ADAMTS14: variants seen among roughly 807,000 people sequenced by gnomAD.
The protein encoded by ADAMTS14 is ADAM metallopeptidase with thrombospondin type 1 motif 14.
ADAMTS14 carries 100 observed loss-of-function variants against 128.6 expected under a neutral mutation model. The ratio of observed to expected loss-of-function variants is 0.78; its 90% CI spans 0.66 to 0.92. ADAMTS14 has a LOEUF of 0.92. Ranked by LOEUF, ADAMTS14 falls within the 40% of genes least tolerant of loss-of-function variation. The pLI is 0.00. For synonymous variants in ADAMTS14, 665 were observed against 653.8 expected, an observed-to-expected ratio of 1.02 and a Z score of -0.26; for missense variants, 1,562 against 1,658.6, an observed-to-expected ratio of 0.94 and a Z score of 1.01.
intron 11 of ADAMTS14, among the ~76,000 whole-genome samples, chr10:70,740,147 A>G (rs1841950611): frequency 6.6e-6 from 1 of 152,234 alleles, no homozygotes; most frequent in Non-Finnish European, 1.5e-5. Context: ...GCTCACACAA[A>G]TTAAATACTT....
intron 2 of ADAMTS14, among the ~76,000 whole-genome samples, chr10:70,699,527 G>A (rs1840432834): frequency 6.6e-6 from 1 of 152,142 alleles, no homozygotes; most frequent in Non-Finnish European, 1.5e-5. Flanking sequence ...CTCCTAACTG[G>A]GGAGGTTGTC....
intron 2 of ADAMTS14, among the ~76,000 whole-genome samples, chr10:70,686,406 G>C (rs1489050446): frequency 1.7e-5 from 2 of 118,586 alleles, no homozygotes; most frequent in East Asian, 4.7e-4. Context: ...AAAGGTCTCT[G>C]GTTTTCCTAG....
At chr10:70,673,567 C>T (rs1839551358) in intron 1 of ADAMTS14, among the ~76,000 whole-genome samples, 1 of 152,174 alleles carries the variant, frequency 6.6e-6, no homozygotes, top group Admixed American at 6.5e-5. Flanking sequence ...GTTCATGTGC[C>T]AGAGTGGGTC....
At chr10:70,755,075 G>A (rs963562121) in intron 19 of ADAMTS14, among the ~76,000 whole-genome samples, 76 of 152,136 alleles carry the variant, frequency 5.0e-4, no homozygotes, top group Non-Finnish European at 1.2e-4. Flanking sequence ...GGAGGCTGAT[G>A]TGGGTGGATT....
At chr10:70,721,326 A>G (rs148490635) in intron 4 of ADAMTS14, among the ~76,000 whole-genome samples, 1 of 148,784 alleles carries the variant, frequency 6.7e-6, no homozygotes, top group Non-Finnish European at 1.5e-5. Flanking sequence ...CCCAGCTAGA[A>G]GACAGCTTTT....
At chr10:70,751,407 C>T (rs577159297) in intron 16 of ADAMTS14, 71 bp from the exon 17 acceptor site, 3 of 1,474,236 alleles carry the variant, frequency 2.0e-6, no homozygotes, top group African/African-American at 1.4e-5. Flanking sequence ...TCTCTTCGGC[C>T]CCTCCCCTCC....
Position 70,751,627 on chromosome 10 carries a change from C to T in ADAMTS14, c.2577C>T (p.Cys859=), listed in dbSNP as rs2132741888. ...GGGCGCTCAAGAGCTGGGCCCCCTG[C>T]AGCAAGGCCTGTGGAGGAGGTACCG... The part of the protein sequence containing the change: ...YEWALKSWAP[C]SKACGGGIQF... Residue 859 remains cysteine (C), a synonymous_variant, in exon 17 of 22, where the codon TGC becomes TGT. Transcript: ENST00000373207. 1 of 1,610,358 alleles carries T rather than the reference C, an allele frequency of 6.2e-7. No homozygotes were observed.
chr10:70,743,765 G>A, intron 13 of ADAMTS14, 84 bp downstream of exon 13: 2 of 1,453,748 alleles, frequency 1.4e-6, no homozygotes, highest in Non-Finnish European at 1.8e-6. Flanking sequence ...GGGAAGATGA[G>A]CATTGCCTCA....
At chr10:70,749,519 C>T (rs115801447) in intron 15 of ADAMTS14, among the ~76,000 whole-genome samples, 545 of 152,158 alleles carry the variant, frequency 3.6e-3, no homozygotes, top group African/African-American at 0.013. Flanking sequence ...TGCTGAGCCT[C>T]AACCATGGGT....
intron 2 of ADAMTS14, among the ~76,000 whole-genome samples, chr10:70,676,608 G>C (rs143556316): frequency 1.3e-5 from 2 of 152,328 alleles, no homozygotes; most frequent in African/African-American, 4.8e-5. Flanking sequence ...GAGTTCCTGA[G>C]AGCGGACTTC....
intron 2 of ADAMTS14, among the ~76,000 whole-genome samples, chr10:70,679,811 T>C (rs1839749314): frequency 6.6e-6 from 1 of 152,248 alleles, no homozygotes; most frequent in African/African-American, 2.4e-5. Context: ...TGGGTTATAC[T>C]GAGTAGACCC....
intron 4 of ADAMTS14, among the ~76,000 whole-genome samples, chr10:70,722,959 G>A (rs562990006): frequency 5.3e-5 from 8 of 152,288 alleles, no homozygotes; most frequent in African/African-American, 1.4e-4. Flanking sequence ...TTCTTCTCAA[G>A]AATTCAGTAT....
intron 2 of ADAMTS14, among the ~76,000 whole-genome samples, chr10:70,693,717 A>T (rs1190996095): frequency 6.6e-6 from 1 of 152,158 alleles, no homozygotes; most frequent in Non-Finnish European, 1.5e-5. Context: ...TTTGCTGTAA[A>T]TGCACTGGGC....
At chr10:70,728,095 C>CAA (rs548466130) in intron 4 of ADAMTS14, among the ~76,000 whole-genome samples, 34,843 of 119,130 alleles carry the variant, frequency 0.29, 5,020 homozygotes, top group African/African-American at 0.43. Flanking sequence ...GACTCCACCT[C>CAA]AAAAAAAAAA....
chr10:70,734,865 T>C (rs1564546303), intron 8 of ADAMTS14, among the ~76,000 whole-genome samples: 1 of 152,188 alleles, frequency 6.6e-6, no homozygotes, highest in Non-Finnish European at 1.5e-5. Context: ...CCATATCGTG[T>C]CCCTCTAAGG....
At chr10:70,683,338 C>T (rs1417595859) in intron 2 of ADAMTS14, among the ~76,000 whole-genome samples, 1 of 152,216 alleles carries the variant, frequency 6.6e-6, no homozygotes, top group Non-Finnish European at 1.5e-5. Flanking sequence ...TACTGGGTAC[C>T]TCTCGGCAAT....
rs145297650 is a variant in ADAMTS14, at chr10:70,708,691, C to T, written c.783C>T (p.Ile261=). The change falls in exon 4 of 22, where the codon ATC becomes ATT. Residue 261 remains isoleucine (I), a synonymous_variant. Coordinates refer to ENST00000373207, the MANE Select transcript of ADAMTS14 (RefSeq NM_080722.4). ...ATGCCAAGCCAGGCAGCTACAGCAT[C>T]GAGGTGCTGCTGGTGGTGGACGACT... The part of the protein sequence containing the change: ...RRHAKPGSYS[I]EVLLVVDDSV... 2.4e-4 allele frequency: 395 copies of T among 1,613,446 alleles called. 1 individual carries two copies. Among genetic ancestry groups the T allele is most frequent in the Non-Finnish European group, 3.2e-4 (374 of 1,179,850 alleles).
rs772253184 is a variant in ADAMTS14, at chr10:70,674,773, G to A, written c.300G>A (p.Arg100=). ...LHPGGTLWPG[R]VGRHSLYFNV... is the part of the protein sequence containing the mutation. ...CAGGAGGGACCCTGTGGCCTGGCAG[G>A]GTGGGGCGCCACTCCCTCTACTTCA... Residue 100 remains arginine, a synonymous_variant, in exon 2 of 22, where the codon AGG becomes AGA. Coordinates refer to ENST00000373207, the MANE Select transcript of ADAMTS14 (RefSeq NM_080722.4). 2.5e-6 allele frequency: 4 copies of A among 1,613,526 alleles called. No homozygotes were observed. The African/African-American group carries it at 4.0e-5, about 16-fold the overall frequency.
intron 2 of ADAMTS14, among the ~76,000 whole-genome samples, chr10:70,695,689 C>T (rs1291363682): frequency 6.6e-6 from 1 of 152,208 alleles, no homozygotes; most frequent in East Asian, 1.9e-4. Context: ...AGGAGTGGGT[C>T]TGGAAGTCAA....
Sources: allele counts gnomAD v4.1 joint callset (sites outside exome capture counted in the v4.1 genomes callset), GRCh38; gene constraint gnomAD v4.1.1; transcripts MANE v1.5; gene names NCBI Gene and HGNC (gene_info 2026-07-23, HGNC 2026-07-21).